The following ERC2 variants were observed in gnomAD, a reference collection of about 807,000 sequenced individuals.
ERC2 encodes the protein ELKS/RAB6-interacting/CAST family member 2, also known as ERC protein 2.
Under a neutral mutation model 114.8 loss-of-function variants are expected in ERC2, and 42 were observed. The ratio of observed to expected loss-of-function variants is 0.37; its 90% CI spans 0.29 to 0.47. ERC2 has a LOEUF of 0.47. Ranked by LOEUF, ERC2 falls within the 20% of genes least tolerant of loss-of-function variation. The probability of loss-of-function intolerance (pLI) is 0.99; values close to 1 mark genes in which losing one functional copy is unlikely to be tolerated. For synonymous variants in ERC2, 454 were observed against 425.5 expected, an observed-to-expected ratio of 1.07 and a Z score of -0.82; for missense variants, 939 against 1,150.7, an observed-to-expected ratio of 0.82 and a Z score of 2.66.
At chr3:56,120,615 G>T (rs1481303765) in intron 6 of ERC2, among the ~76,000 whole-genome samples, 1 of 152,144 alleles carries the variant, frequency 6.6e-6, no homozygotes, top group Non-Finnish European at 1.5e-5. Flanking sequence ...CTATAAAGCA[G>T]CTCCTGACAC....
chr3:56,233,537 C>G (rs1022505555), intron 3 of ERC2, among the ~76,000 whole-genome samples: 3 of 151,360 alleles, frequency 2.0e-5, no homozygotes, highest in Non-Finnish European at 4.4e-5. Context: ...CCAGCTACTC[C>G]AGAGGCTGAT....
At chr3:56,261,808 T>G (rs2052947974) in intron 3 of ERC2, among the ~76,000 whole-genome samples, 1 of 152,206 alleles carries the variant, frequency 6.6e-6, no homozygotes, top group South Asian at 2.1e-4. Context: ...ATTTCATTAC[T>G]GAGGTATTAC....
chr3:56,113,405 G>A (rs577888167), intron 6 of ERC2, among the ~76,000 whole-genome samples: 19 of 152,280 alleles, frequency 1.2e-4, no homozygotes, highest in Admixed American at 3.9e-4. Context: ...GATACCTCAC[G>A]CTTGCTGTTG....
intron 2 of ERC2, among the ~76,000 whole-genome samples, chr3:56,416,657 A>AT (rs1331274424): frequency 2.6e-5 from 3 of 114,134 alleles, no homozygotes; most frequent in African/African-American, 3.7e-5. Flanking sequence ...ACAAAACATG[A>AT]TTAAAAAAAA....
At chr3:55,594,921 A>G (rs936385654) in intron 17 of ERC2, among the ~76,000 whole-genome samples, 2 of 151,938 alleles carry the variant, frequency 1.3e-5, no homozygotes, top group African/African-American at 4.8e-5. Flanking sequence ...CACTCTTACC[A>G]CTACCCTCCC....
chr3:55,878,672 A>T (rs2062976467), intron 14 of ERC2, among the ~76,000 whole-genome samples: 1 of 152,178 alleles, frequency 6.6e-6, no homozygotes, highest in South Asian at 2.1e-4. Flanking sequence ...TCCCCGCCTC[A>T]CAGGAGGTGA....
At chr3:55,675,065 G>A (rs1032791982) in intron 17 of ERC2, among the ~76,000 whole-genome samples, 1 of 152,154 alleles carries the variant, frequency 6.6e-6, no homozygotes, top group Non-Finnish European at 1.5e-5. Flanking sequence ...GCTTCAGAGG[G>A]ATGGGGGCCT....
chr3:55,929,990 G>A (rs777275611), intron 13 of ERC2, among the ~76,000 whole-genome samples: 7 of 152,140 alleles, frequency 4.6e-5, no homozygotes, highest in African/African-American at 1.4e-4. Context: ...CTGTAATCCA[G>A]CACTTTGGAA....
At chr3:55,555,197 C>A (rs1048371696) in intron 17 of ERC2, among the ~76,000 whole-genome samples, 1 of 152,196 alleles carries the variant, frequency 6.6e-6, no homozygotes, top group African/African-American at 2.4e-5. Flanking sequence ...CTAAACCTTT[C>A]AACTCTGCAT....
intron 4 of ERC2, among the ~76,000 whole-genome samples, chr3:56,161,711 G>A (rs965525279): frequency 1.3e-5 from 2 of 152,052 alleles, no homozygotes; most frequent in African/African-American, 4.8e-5. Context: ...AACACTATTG[G>A]TGTATAGAAA....
intron 14 of ERC2, among the ~76,000 whole-genome samples, chr3:55,779,754 C>T (rs144637100): frequency 2.0e-5 from 3 of 152,206 alleles, no homozygotes; most frequent in South Asian, 2.1e-4. Flanking sequence ...TAACACATTA[C>T]GTTAGTAAGT....
intron 12 of ERC2, among the ~76,000 whole-genome samples, chr3:55,962,847 C>T (rs554424691): frequency 6.6e-6 from 1 of 152,350 alleles, no homozygotes; most frequent in Non-Finnish European, 1.5e-5. Flanking sequence ...CTTCCCACCA[C>T]TGTCCCACTT....
chr3:56,274,338 A>C (rs1271853280), intron 3 of ERC2, among the ~76,000 whole-genome samples: 2 of 152,160 alleles, frequency 1.3e-5, no homozygotes, highest in Admixed American at 1.3e-4. Flanking sequence ...ATTGTCCTCC[A>C]CTAAACAAGT....
rs1374058426 is a variant in ERC2, at chr3:55,676,189, CT to C, written c.*39+7604del. On this transcript the variant is annotated intron_variant, in intron 17 of 17. Transcript: ENST00000288221. ...CTGTCCGCCTTGGCCTCCCAAAGTGCTTGGATTACAGGTGTGAGCCAGCGTG... is the reference window on the plus strand; with the variant it reads ...CTGTCCGCCTTGGCCTCCCAAAGTGCTGGATTACAGGTGTGAGCCAGCGTG... Among the ~76,000 whole-genome samples, 3 of 151,774 alleles carry C rather than the reference CT, an allele frequency of 2.0e-5. No individual in the cohort carries two copies. In the East Asian group the frequency reaches 5.8e-4, roughly 29 times the overall value.
chr3:56,248,291 G>A (rs929947889), intron 3 of ERC2, among the ~76,000 whole-genome samples: 2 of 152,018 alleles, frequency 1.3e-5, no homozygotes, highest in African/African-American at 2.4e-5. Context: ...ACAGAGTCTC[G>A]CTATATTGCC....
chr3:55,972,296 C>T (rs1167428525), intron 12 of ERC2, among the ~76,000 whole-genome samples: 1 of 152,208 alleles, frequency 6.6e-6, no homozygotes, highest in Admixed American at 6.5e-5. Flanking sequence ...TTCTGGGATA[C>T]ATGTGCAGAA....
At chr3:56,264,293 T>C (rs1272484292) in intron 3 of ERC2, among the ~76,000 whole-genome samples, 1 of 152,106 alleles carries the variant, frequency 6.6e-6, no homozygotes, top group Non-Finnish European at 1.5e-5. Context: ...ATATTGGAAG[T>C]ACTAGCAAGA....
rs1363271345 is a variant in ERC2, at chr3:55,985,957, G to A, written c.2267+20C>T. The A allele has an allele frequency of 6.5e-7, 1 of 1,538,716 alleles. No homozygotes were observed. Among genetic ancestry groups the A allele is most frequent in the Admixed American group, 2.0e-5 (1 of 51,192 alleles). Reference sequence around the variant, plus strand: ...GCTTAGGAGGGAAAGGCAGTTAGAAGAAAAACTGAAATTACTGACCTGAGA... The same window carrying A: ...GCTTAGGAGGGAAAGGCAGTTAGAAAAAAAACTGAAATTACTGACCTGAGA... On this transcript the variant is annotated intron_variant, in intron 12 of 17. Transcript: ENST00000288221.
At chr3:55,815,547 G>A (rs556823722) in intron 14 of ERC2, among the ~76,000 whole-genome samples, 2 of 152,276 alleles carry the variant, frequency 1.3e-5, no homozygotes, top group East Asian at 3.9e-4. Context: ...AGCTTGGAAG[G>A]GGAGCCTGAG....
Sources: allele counts gnomAD v4.1 joint callset (sites outside exome capture counted in the v4.1 genomes callset), GRCh38; gene constraint gnomAD v4.1.1; transcripts MANE v1.5; gene names NCBI Gene and HGNC (gene_info 2026-07-23, HGNC 2026-07-21).